The following SH3BGRL2 variants were observed in gnomAD, a reference collection of about 807,000 sequenced individuals.
SH3BGRL2 encodes SH3 domain binding glutamate rich protein like 2.
A neutral mutation model predicts 14.8 loss-of-function variants in SH3BGRL2; 21 were observed. The ratio of observed to expected loss-of-function variants is 1.42; its 90% confidence interval spans 1.01 to 2.05. The LOEUF (loss-of-function observed/expected upper bound fraction) is 2.05. Ranked by LOEUF, SH3BGRL2 falls within the 30% of genes most tolerant of loss-of-function variation. The pLI is 0.00. For missense variants in SH3BGRL2, 147 were observed against 130.8 expected, an observed-to-expected ratio of 1.12 and a Z score of -0.61; for synonymous variants, 50 against 47.8, an observed-to-expected ratio of 1.05 and a Z score of -0.19.
At chr6:79,564,406 T>G in the SH3BGRL2 span, among the ~76,000 whole-genome samples, 1 of 3,942 alleles carries the variant, frequency 2.5e-4, no homozygotes, top group African/African-American at 3.0e-4. Flanking sequence ...TCAATAGCAG[T>G]TTGTGCTTTT....
chr6:79,656,178 T>C lies in SH3BGRL2; in HGVS notation c.46-17436T>C, dbSNP rs186586022. Among the ~76,000 whole-genome samples, 87 of 152,284 alleles carry C rather than the reference T, an allele frequency of 5.7e-4. No individual in the cohort carries two copies. The East Asian group carries it at 9.3e-3, about 16-fold the overall frequency. ...AATGTAGGAAGCTCTAGAGGAGACA[T>C]GAGGGTTTGGCATGGGCCAGTGGCA... is the stretch of plus-strand genomic sequence containing the variant. On this transcript the variant is annotated intron_variant, in intron 1 of 3. Transcript: ENST00000369838.
Position 79,649,575 on chromosome 6 carries a change from A to G in SH3BGRL2, c.45+18069A>G, listed in dbSNP as rs550022733. ...TCATCATCTCTTCTTTTTACCTTTC[A>G]TTATAATACTTACAGACTTTCTTTT... On this transcript the variant is annotated intron_variant, in intron 1 of 3. Coordinates refer to ENST00000369838, the MANE Select transcript of SH3BGRL2 (RefSeq NM_031469.4). Among the ~76,000 whole-genome samples, 3 of 151,922 alleles carry G rather than the reference A, an allele frequency of 2.0e-5. No homozygotes were observed. The East Asian group carries it at 5.8e-4, about 29-fold the overall frequency.
chr6:79,645,213 A>G (rs370480426), intron 1 of SH3BGRL2, among the ~76,000 whole-genome samples: 1 of 152,050 alleles, frequency 6.6e-6, no homozygotes, highest in African/African-American at 2.4e-5. Flanking sequence ...GAATACCCCA[A>G]ACTGTCATTG....
At chr6:79,699,443 C>A (rs1009284530) in intron 3 of SH3BGRL2, 55 bp from the exon 4 acceptor site, 11 of 1,372,364 alleles carry the variant, frequency 8.0e-6, no homozygotes, top group South Asian at 3.3e-5. Flanking sequence ...ATTTTCTTGT[C>A]GATGTAATGC....
chr6:79,585,544 A>T, the SH3BGRL2 span, among the ~76,000 whole-genome samples: 19 of 152,170 alleles, frequency 1.2e-4, no homozygotes, highest in African/African-American at 4.6e-4. Context: ...TCCCAATACA[A>T]TCACACTCAC....
At chr6:79,599,665 G>A in the SH3BGRL2 span, among the ~76,000 whole-genome samples, 2 of 152,128 alleles carry the variant, frequency 1.3e-5, no homozygotes, top group Non-Finnish European at 2.9e-5. Flanking sequence ...CAACCCAAAC[G>A]TCTGTCAGCT....
chr6:79,633,248 T>C (rs1405442804), intron 1 of SH3BGRL2, among the ~76,000 whole-genome samples: 1 of 152,178 alleles, frequency 6.6e-6, no homozygotes, highest in Non-Finnish European at 1.5e-5. Context: ...CTGGTTAAGG[T>C]ACCTCATCTC....
At chr6:79,638,443 C>A (rs948105340) in intron 1 of SH3BGRL2, among the ~76,000 whole-genome samples, 9 of 152,234 alleles carry the variant, frequency 5.9e-5, no homozygotes, top group African/African-American at 2.2e-4. Context: ...ACACTGATTT[C>A]TTTTCCTTTG....
chr6:79,662,577 C>G (rs1769574848), intron 1 of SH3BGRL2, among the ~76,000 whole-genome samples: 1 of 152,164 alleles, frequency 6.6e-6, no homozygotes, highest in South Asian at 2.1e-4. Context: ...CCGCCCTTAA[C>G]ATTTTTTTCC....
chr6:79,553,776 A>G, the SH3BGRL2 span, among the ~76,000 whole-genome samples: 1 of 152,148 alleles, frequency 6.6e-6, no homozygotes, highest in African/African-American at 2.4e-5. Flanking sequence ...GTTCAAAACC[A>G]GCCTGGCCAA....
chr6:79,674,057 G>A (rs982300417), intron 2 of SH3BGRL2, among the ~76,000 whole-genome samples: 4 of 151,670 alleles, frequency 2.6e-5, no homozygotes, highest in African/African-American at 9.7e-5. Flanking sequence ...TCTTTGCTTT[G>A]GAAACAGAAG....
chr6:79,540,202 A>G, the SH3BGRL2 span, among the ~76,000 whole-genome samples: 1 of 152,142 alleles, frequency 6.6e-6, no homozygotes, highest in African/African-American at 2.4e-5. Flanking sequence ...TGGGAGGCCA[A>G]GGTGGGTGGA....
chr6:79,548,674 G>C, the SH3BGRL2 span, among the ~76,000 whole-genome samples: 1 of 152,128 alleles, frequency 6.6e-6, no homozygotes. Context: ...AGGGCCCAAC[G>C]CTGGATAGGC....
chr6:79,655,731 A>C (rs1339907316), intron 1 of SH3BGRL2, among the ~76,000 whole-genome samples: 1 of 152,204 alleles, frequency 6.6e-6, no homozygotes, highest in African/African-American at 2.4e-5. Context: ...GCATGATCTC[A>C]AAGTTCATCC....
chr6:79,585,969 G>A, the SH3BGRL2 span, among the ~76,000 whole-genome samples: 1 of 151,882 alleles, frequency 6.6e-6, no homozygotes, highest in African/African-American at 2.4e-5. Flanking sequence ...GCCGAGGCAG[G>A]CGGATCACCT....
chr6:79,621,068 T>C, the SH3BGRL2 span, among the ~76,000 whole-genome samples: 6 of 152,212 alleles, frequency 3.9e-5, no homozygotes, highest in African/African-American at 1.4e-4. Context: ...CAGCCATGTC[T>C]CTTTTTATTA....
chr6:79,697,895 G>C (rs1355861505), intron 3 of SH3BGRL2, among the ~76,000 whole-genome samples: 1 of 152,182 alleles, frequency 6.6e-6, no homozygotes, highest in Non-Finnish European at 1.5e-5. Context: ...AATACTGCTT[G>C]TTCCCATTTT....
chr6:79,692,611 A>G (rs530941805), intron 2 of SH3BGRL2, among the ~76,000 whole-genome samples: 140 of 151,800 alleles, frequency 9.2e-4, no homozygotes, highest in African/African-American at 2.9e-3. Flanking sequence ...TATTAAATAG[A>G]GACTCCTTTC....
chr6:79,637,489 G>A (rs1192643143), intron 1 of SH3BGRL2, among the ~76,000 whole-genome samples: 2 of 151,900 alleles, frequency 1.3e-5, no homozygotes, highest in African/African-American at 2.4e-5. Flanking sequence ...TCAGGAGTTC[G>A]AGACCAGCCT....
Sources: gnomAD v4.1 joint callset for allele counts (sites outside exome capture counted in the v4.1 genomes callset) on GRCh38, gnomAD v4.1.1 for gene constraint, MANE v1.5 for transcripts, NCBI Gene and HGNC (gene_info 2026-07-23, HGNC 2026-07-21) for gene names.